Variants in ENAH observed in about 807,000 individuals in gnomAD.
ENAH encodes the protein ENAH actin regulator.
A neutral mutation model predicts 78.7 loss-of-function variants in ENAH; 23 were observed. That is an observed-to-expected ratio of 0.29 (90% confidence interval 0.21 to 0.41). The LOEUF (loss-of-function observed/expected upper bound fraction) is 0.41, where lower values mean the gene tolerates loss of function less well. Among genes scored for constraint, ENAH ranks in the 10% least tolerant of loss-of-function variants. The probability of loss-of-function intolerance (pLI) is 1.00; values close to 1 mark genes in which losing one functional copy is unlikely to be tolerated. For synonymous variants in ENAH, 226 were observed against 241.0 expected (o/e 0.94, Z 0.58); for missense variants, 544 against 691.0 (o/e 0.79, Z 2.39).
At chr1:225,518,883 A>G (rs2096442924) in intron 5 of ENAH, among the ~76,000 whole-genome samples, 1 of 152,194 alleles carries the variant, frequency 6.6e-6, no homozygotes, top group African/African-American at 2.4e-5. Flanking sequence ...ATATATTTGA[A>G]GTTCATCCAG....
chr1:225,630,827 A>G (rs919769205), intron 1 of ENAH, among the ~76,000 whole-genome samples: 1 of 152,240 alleles, frequency 6.6e-6, no homozygotes, highest in African/African-American at 2.4e-5. Context: ...TGTTCAAATT[A>G]TACAACTTGA....
At chr1:225,521,566 G>A (rs1181147414) in intron 4 of ENAH, among the ~76,000 whole-genome samples, 1 of 151,320 alleles carries the variant, frequency 6.6e-6, no homozygotes, top group Non-Finnish European at 1.5e-5. Flanking sequence ...ACTTGAACCC[G>A]GGGAATGGAG....
At chr1:225,531,223 T>C (rs577013499) in intron 3 of ENAH, among the ~76,000 whole-genome samples, 2 of 152,246 alleles carry the variant, frequency 1.3e-5, no homozygotes, top group African/African-American at 4.8e-5. Flanking sequence ...TTCCATATAG[T>C]AATTAACCTA....
chr1:225,496,595 A>C lies in ENAH; in HGVS notation c.*1180T>G, dbSNP rs2096250925. On this transcript the variant is annotated 3_prime_UTR_variant, in exon 14 of 14. Transcript: ENST00000366843. ...TTTTGAGTTCCACAGTTAAGATATT[A>C]TGTGAAGCTCAGAATCATGTTTCAG... 1 of 152,686 alleles carries C rather than the reference A, an allele frequency of 6.5e-6. No homozygotes were observed. Among genetic ancestry groups the C allele is most frequent in the South Asian group, 2.1e-4 (1 of 4,838 alleles). 9.5% of individuals were successfully genotyped at this position (152,686 alleles called of 1,614,324 possible). A position where few individuals can be genotyped will look rare whatever the true frequency, so the allele number is the denominator to read the frequency against.
chr1:225,546,082 C>T (rs2096612468), intron 3 of ENAH, among the ~76,000 whole-genome samples: 1 of 151,846 alleles, frequency 6.6e-6, no homozygotes, highest in Admixed American at 6.6e-5. Context: ...CGCCATCATG[C>T]CCACCTAATT....
At chr1:225,576,625 A>C (rs1268123058) in intron 1 of ENAH, among the ~76,000 whole-genome samples, 2 of 152,192 alleles carry the variant, frequency 1.3e-5, no homozygotes, top group African/African-American at 4.8e-5. Context: ...CACTAAAGAA[A>C]AAGCTTTACA....
Position 225,623,878 on chromosome 1 carries a change from C to T in ENAH, c.5+28808G>A, listed in dbSNP as rs186121928. On this transcript the variant is annotated intron_variant, in intron 1 of 13. Transcript: ENST00000366843. ...TGCTGGGATTACAGGCGTAAGCCAC[C>T]GGGCCCAGTCAGTACCCGATAAGTA... Among the ~76,000 whole-genome samples, 1,228 of 152,200 alleles carry T rather than the reference C, an allele frequency of 8.1e-3. 17 individuals carry two copies. Among genetic ancestry groups the T allele is most frequent in the African/African-American group, 0.028 (1,174 of 41,532 alleles).
chr1:225,609,656 A>ATTTTT (rs59508510), intron 1 of ENAH, among the ~76,000 whole-genome samples: 23 of 76,506 alleles, frequency 3.0e-4, no homozygotes, highest in African/African-American at 3.7e-4. Context: ...GGAAAAATGG[A>ATTTTT]TTTTTTTTTT....
chr1:225,542,259 G>T (rs998575299), intron 3 of ENAH, among the ~76,000 whole-genome samples: 1 of 152,200 alleles, frequency 6.6e-6, no homozygotes, highest in African/African-American at 2.4e-5. Flanking sequence ...GACCCCAAAT[G>T]TTTGGAAAGA....
At chr1:225,538,595 G>C (rs897953352) in intron 3 of ENAH, among the ~76,000 whole-genome samples, 13 of 113,734 alleles carry the variant, frequency 1.1e-4, no homozygotes, top group Non-Finnish European at 2.1e-4. Flanking sequence ...AGGCAAAACT[G>C]TATATATGAT....
chr1:225,564,298 T>C (rs935332478), intron 2 of ENAH, among the ~76,000 whole-genome samples: 1 of 149,288 alleles, frequency 6.7e-6, no homozygotes, highest in Admixed American at 6.7e-5. Context: ...GGGTTTTTTG[T>C]TTTTTTTTGA....
rs1448567034 is a variant in ENAH, at chr1:225,495,453, C to T, written c.*2322G>A. On this transcript the variant is annotated 3_prime_UTR_variant, in exon 14 of 14. Coordinates refer to ENST00000366843, the MANE Select transcript of ENAH (RefSeq NM_018212.6). ...ATGGGAAATATAGCATGATTCAACA[C>T]TGGTTTTTTTTTTTTTTTTTTTTTG... 9.4e-6 allele frequency: 1 copy of T among 106,676 alleles called. No homozygotes were observed. The highest frequency in any genetic ancestry group is 1.8e-5 in the Non-Finnish European group (1 of 56,056). The allele number at this position is 106,676 out of a possible 1,614,324, so 6.6% of individuals were successfully genotyped here. A position where few individuals can be genotyped will look rare whatever the true frequency, so the allele number is the denominator to read the frequency against.
chr1:225,545,798 A>G (rs972112000), intron 3 of ENAH, among the ~76,000 whole-genome samples: 3 of 152,102 alleles, frequency 2.0e-5, no homozygotes, highest in African/African-American at 7.2e-5. Flanking sequence ...TTTAAATTCA[A>G]GATTCCCAAT....
chr1:225,507,402 C>G (rs1356157661), intron 11 of ENAH, among the ~76,000 whole-genome samples: 1 of 151,706 alleles, frequency 6.6e-6, no homozygotes, highest in African/African-American at 2.4e-5. Context: ...TGACTATATA[C>G]TATAGTAGAT....
At chr1:225,652,555 G>T (rs1039230747) in intron 1 of ENAH, 131 bp downstream of exon 1, 3 of 1,065,666 alleles carry the variant, frequency 2.8e-6, no homozygotes, top group Non-Finnish European at 3.6e-6. Context: ...AAGGCGGAGG[G>T]GGGAGGAACA....
At chr1:225,644,356 G>C (rs180928503) in intron 1 of ENAH, among the ~76,000 whole-genome samples, 3 of 152,254 alleles carry the variant, frequency 2.0e-5, no homozygotes, top group African/African-American at 7.2e-5. Flanking sequence ...TAAGTAGACT[G>C]TAAGTAAAAG....
At chr1:225,621,074 A>G (rs1051238400) in intron 1 of ENAH, among the ~76,000 whole-genome samples, 1 of 152,150 alleles carries the variant, frequency 6.6e-6, no homozygotes, top group African/African-American at 2.4e-5. Flanking sequence ...ATGGTGATAT[A>G]CTATCATTTG....
chr1:225,502,536 T>C (rs2096289050), intron 11 of ENAH, among the ~76,000 whole-genome samples: 2 of 152,150 alleles, frequency 1.3e-5, no homozygotes, highest in Admixed American at 6.5e-5. Flanking sequence ...TCAAAACGTA[T>C]TACTGCTTAA....
chr1:225,561,898 G>A (rs569915644), intron 2 of ENAH, among the ~76,000 whole-genome samples: 1 of 152,138 alleles, frequency 6.6e-6, no homozygotes, highest in African/African-American at 2.4e-5. Flanking sequence ...TGTCTATGAG[G>A]TCATACATGA....
Sources: gnomAD v4.1 joint callset for allele counts (sites outside exome capture counted in the v4.1 genomes callset) on GRCh38, gnomAD v4.1.1 for gene constraint, MANE v1.5 for transcripts, NCBI Gene and HGNC (gene_info 2026-07-23, HGNC 2026-07-21) for gene names.